Variants in HDAC4 observed in about 807,000 individuals in gnomAD.
The protein encoded by HDAC4 is histone deacetylase A.
Under a neutral mutation model 135.1 loss-of-function variants are expected in HDAC4, and 16 were observed. The ratio of observed to expected loss-of-function variants is 0.12; its 90% CI spans 0.08 to 0.18. HDAC4 has a LOEUF of 0.18. Among genes scored for constraint, HDAC4 ranks in the 10% least tolerant of loss-of-function variants. HDAC4 has a pLI of 1.00. For missense variants in HDAC4, 1,143 were observed against 1,511.8 expected, an observed-to-expected ratio of 0.76 and a Z score of 4.05; for synonymous variants, 685 against 653.4, an observed-to-expected ratio of 1.05 and a Z score of -0.74.
intron 1 of HDAC4, among the ~76,000 whole-genome samples, chr2:239,385,218 C>T (rs1695708552): frequency 6.6e-6 from 1 of 152,240 alleles, no homozygotes; most frequent in African/African-American, 2.4e-5. Context: ...GAAAGGTCTC[C>T]TCCAAGCCTC....
chr2:239,075,374 GA>G (rs1325096276), intron 22 of HDAC4, among the ~76,000 whole-genome samples: 1 of 152,066 alleles, frequency 6.6e-6, no homozygotes, highest in Non-Finnish European at 1.5e-5. Context: ...TGAGGGGAGA[GA>G]GGGGTGGGCT....
At chr2:239,337,340 C>A (rs1221189501) in intron 2 of HDAC4, among the ~76,000 whole-genome samples, 3 of 152,248 alleles carry the variant, frequency 2.0e-5, no homozygotes, top group South Asian at 2.1e-4. Flanking sequence ...TTGAGAGAAA[C>A]TCACACCCTG....
intron 1 of HDAC4, among the ~76,000 whole-genome samples, chr2:239,399,153 T>C (rs1696767153): frequency 6.6e-6 from 1 of 152,208 alleles, no homozygotes; most frequent in Non-Finnish European, 1.5e-5. Context: ...AAATAGGTAA[T>C]TGAACACAGA....
rs546525262 is a variant in HDAC4 at position 239,234,980 on chromosome 2, G to A, written c.94+1613C>T. Reference sequence around the variant, plus strand: ...CAGCCACAGAATTCAGTGTTTACACGAAAACAACACCGGCAAAGTGAACTT... The same window carrying A: ...CAGCCACAGAATTCAGTGTTTACACAAAAACAACACCGGCAAAGTGAACTT... On this transcript the variant is annotated intron_variant, in intron 3 of 26. Coordinates refer to ENST00000543185, the MANE Select transcript of HDAC4 (RefSeq NM_001378414.1). Among the ~76,000 whole-genome samples, 23 of 152,234 alleles carry A rather than the reference G, an allele frequency of 1.5e-4. No individual in the cohort carries two copies. In the South Asian group the frequency reaches 3.9e-3, roughly 26 times the overall value.
intron 24 of HDAC4, among the ~76,000 whole-genome samples, chr2:239,059,338 A>C (rs1263283710): frequency 6.6e-6 from 1 of 152,190 alleles, no homozygotes; most frequent in Non-Finnish European, 1.5e-5. Context: ...CAAATTCTGA[A>C]AAGAAAAAAG....
At chr2:239,288,877 C>CAT (rs1478424488) in intron 2 of HDAC4, among the ~76,000 whole-genome samples, 1 of 152,216 alleles carries the variant, frequency 6.6e-6, no homozygotes, top group Non-Finnish European at 1.5e-5. Flanking sequence ...CAAATTCATC[C>CAT]ATAGAGTCAA....
intron 4 of HDAC4, among the ~76,000 whole-genome samples, chr2:239,177,824 G>A (rs1047213289): frequency 1.3e-5 from 2 of 152,154 alleles, no homozygotes; most frequent in African/African-American, 4.8e-5. Flanking sequence ...AAAAGAAATC[G>A]GGATAAATGT....
intron 12 of HDAC4, 52 bp downstream of exon 12, chr2:239,126,404 G>C: frequency 3.1e-6 from 5 of 1,611,384 alleles, no homozygotes; most frequent in Non-Finnish European, 4.2e-6. Flanking sequence ...AGGCTGAAGC[G>C]CACAGCACAC....
At chr2:239,267,492 G>A (rs562910944) in intron 2 of HDAC4, among the ~76,000 whole-genome samples, 1 of 152,364 alleles carries the variant, frequency 6.6e-6, no homozygotes, top group East Asian at 1.9e-4. Context: ...AGGACGTGCT[G>A]AAGGCAGCAA....
intron 2 of HDAC4, among the ~76,000 whole-genome samples, chr2:239,335,438 T>C (rs2059980983): frequency 8.1e-6 from 1 of 123,172 alleles, no homozygotes. Context: ...AAAAATAATA[T>C]AGAATATCTT....
Position 239,245,237 on chromosome 2 carries a change from G to A in HDAC4, c.23-8573C>T, listed in dbSNP as rs975714201. 1.3e-5 allele frequency among the ~76,000 whole-genome samples: 2 copies of A among 152,110 alleles called. No individual in the cohort carries two copies. Among genetic ancestry groups the A allele is most frequent in the East Asian group, 1.9e-4 (1 of 5,188 alleles). On this transcript the variant is annotated intron_variant, in intron 2 of 26. Transcript: ENST00000543185. The surrounding 1 kb of genome is among the most constrained non-coding windows in gnomAD (Gnocchi z 4.4). ...AGAATCAAAACTAGCTGTAGCTGCC[G>A]GCTTACAGGAAGTACGGGTTTGGCA...
At chr2:239,199,451 T>C (rs1395965270) in intron 3 of HDAC4, among the ~76,000 whole-genome samples, 1 of 152,180 alleles carries the variant, frequency 6.6e-6, no homozygotes, top group Non-Finnish European at 1.5e-5. Flanking sequence ...ATCAACTATC[T>C]TGTTACTCTC....
chr2:239,287,874 C>T lies in HDAC4; in HGVS notation c.23-51210G>A, dbSNP rs1575615430. 2.0e-5 allele frequency among the ~76,000 whole-genome samples: 3 copies of T among 152,152 alleles called. 1 individual carries two copies. Among genetic ancestry groups the T allele is most frequent in the Admixed American group, 2.0e-4 (3 of 15,294 alleles). On this transcript the variant is annotated intron_variant, in intron 2 of 26. Transcript: ENST00000543185. ...TGAAAACGTAGATTAAGTAGGACTC[C>T]TAAAAACTTTCTTTTAAATCCATAT...
intron 1 of HDAC4, among the ~76,000 whole-genome samples, chr2:239,386,116 A>G (rs916848719): frequency 1.3e-5 from 2 of 152,010 alleles, no homozygotes; most frequent in African/African-American, 2.4e-5. Flanking sequence ...ACAGGATGCC[A>G]GGACCAGGGC....
At chr2:239,386,742 G>A (rs530581769) in intron 1 of HDAC4, among the ~76,000 whole-genome samples, 10 of 152,338 alleles carry the variant, frequency 6.6e-5, no homozygotes, top group African/African-American at 2.4e-4. Context: ...ACACAGTACC[G>A]AGAACTTCTG....
intron 2 of HDAC4, among the ~76,000 whole-genome samples, chr2:239,253,665 C>A (rs1320275728): frequency 3.3e-5 from 5 of 152,180 alleles, no homozygotes; most frequent in Non-Finnish European, 5.9e-5. Flanking sequence ...AACAAAGAAA[C>A]AGTTATGAAG....
chr2:239,296,591 C>CT (rs1299576823), intron 2 of HDAC4, among the ~76,000 whole-genome samples: 4 of 152,310 alleles, frequency 2.6e-5, no homozygotes, highest in South Asian at 2.1e-4. Flanking sequence ...GCGCTGTTTT[C>CT]TTTTTTAGGA....
intron 3 of HDAC4, among the ~76,000 whole-genome samples, chr2:239,224,331 G>A (rs918465772): frequency 3.3e-5 from 5 of 152,160 alleles, no homozygotes; most frequent in African/African-American, 7.2e-5. Context: ...CTGCTCCTCC[G>A]ATGCCTGTCC....
At chr2:239,086,392 TCTGA>T (rs1454810816) in intron 19 of HDAC4, among the ~76,000 whole-genome samples, 10 of 149,468 alleles carry the variant, frequency 6.7e-5, no homozygotes, top group African/African-American at 2.3e-4. Flanking sequence ...AACACGCGGA[TCTGA>T]CTATCTCTCA....
Sources: allele counts gnomAD v4.1 joint callset (sites outside exome capture counted in the v4.1 genomes callset), GRCh38; gene constraint gnomAD v4.1.1; non-coding constraint Gnocchi (gnomAD v3.1); transcripts MANE v1.5; gene names NCBI Gene and HGNC (gene_info 2026-07-23, HGNC 2026-07-21).